The following DNAI4 variants were observed in gnomAD, a reference collection of about 807,000 sequenced individuals.
The protein encoded by DNAI4 is WD repeat domain 78.
DNAI4 carries 85 observed loss-of-function variants against 105.8 expected under a neutral mutation model. The ratio of observed to expected loss-of-function variants is 0.80; its 90% confidence interval spans 0.67 to 0.96. The LOEUF is 0.96. DNAI4 is among the 40% of genes least tolerant of loss of function. The pLI, the probability that DNAI4 is intolerant of heterozygous loss-of-function variation, is 0.00. For synonymous variants in DNAI4, 352 were observed against 331.5 expected (o/e 1.06, Z -0.67); for missense variants, 1,014 against 1,005.6 (o/e 1.01, Z -0.11).
At chr1:66,832,300 T>G (rs1645882628) in intron 13 of DNAI4, among the ~76,000 whole-genome samples, 1 of 152,148 alleles carries the variant, frequency 6.6e-6, no homozygotes, top group African/African-American at 2.4e-5. Context: ...GACAATCAAA[T>G]TTTAAGTATC....
intron 3 of DNAI4, 110 bp downstream of exon 3, chr1:66,893,119 A>AAGAAAGAAAG (rs1414013210): frequency 9.5e-5 from 50 of 526,726 alleles, no homozygotes; most frequent in African/African-American, 9.4e-4. Context: ...GAAAGAAAGA[A>AAGAAAGAAAG]AGAAACTGGG....
Position 66,826,943 on chromosome 1 carries a change from G to A in DNAI4, c.2216C>T (p.Pro739Leu), listed in dbSNP as rs751908129. The stretch of plus-strand genomic sequence containing the variant: ...AGTAGCTGGATAAAAACTCAAAGAT[G>A]GCTTGACATTCTCCTGTTGCCATAT... ...VIIWQQENVK[P>L]SLSFYPATSV... Residue 739 changes from proline to leucine, a missense_variant, in exon 15 of 17, where the codon CCA becomes CTA. Physicochemically the swap from Pro to Leu is moderately conservative, Grantham distance 98. Coordinates refer to ENST00000371026, the MANE Select transcript of DNAI4 (RefSeq NM_024763.5). 6 of 1,613,910 alleles carry A rather than the reference G, an allele frequency of 3.7e-6. No homozygotes were observed. The highest frequency in any genetic ancestry group is 5.1e-6 in the Non-Finnish European group (6 of 1,180,020).
intron 8 of DNAI4, among the ~76,000 whole-genome samples, chr1:66,847,253 T>C (rs1046655839): frequency 6.6e-6 from 1 of 152,184 alleles, no homozygotes; most frequent in African/African-American, 2.4e-5. Context: ...CTAAAACCCT[T>C]ACATTTTAAA....
chr1:66,918,819 T>C (rs1408374274), intron 1 of DNAI4, among the ~76,000 whole-genome samples: 1 of 151,942 alleles, frequency 6.6e-6, no homozygotes, highest in Non-Finnish European at 1.5e-5. Context: ...ATGGGGGAAA[T>C]GTAAAAGGAA....
intron 1 of DNAI4, among the ~76,000 whole-genome samples, chr1:66,916,856 A>C (rs1395880899): frequency 6.6e-6 from 1 of 151,370 alleles, no homozygotes. Flanking sequence ...TCAGAAAATT[A>C]TGTCTCCTTT....
chr1:66,822,334 A>G, intron 16 of DNAI4, 27 bp downstream of exon 16: 1 of 1,572,522 alleles, frequency 6.4e-7, no homozygotes, highest in South Asian at 1.2e-5. Context: ...ATAAAATGAC[A>G]CAAATTTTTT....
At chr1:66,830,127 G>C (rs1294476604) in intron 13 of DNAI4, among the ~76,000 whole-genome samples, 2 of 151,648 alleles carry the variant, frequency 1.3e-5, no homozygotes, top group Non-Finnish European at 2.9e-5. Context: ...ATAAATCAAT[G>C]ACCTCCACTT....
intron 6 of DNAI4, among the ~76,000 whole-genome samples, chr1:66,867,709 T>C (rs1224036208): frequency 6.6e-6 from 1 of 152,206 alleles, no homozygotes; most frequent in East Asian, 1.9e-4. Flanking sequence ...TTTTAGTTGA[T>C]ATTCCTGAGG....
chr1:66,919,162 T>C (rs1286494642), intron 1 of DNAI4: 2 of 429,064 alleles, frequency 4.7e-6, no homozygotes, highest in Admixed American at 4.8e-5. Context: ...CTTAGGCACA[T>C]GTTGCCAGTA....
At chr1:66,833,751 A>G (rs774534481) in intron 12 of DNAI4, 45 bp from the exon 13 acceptor site, 141 of 1,593,674 alleles carry the variant, frequency 8.8e-5, no homozygotes, top group Non-Finnish European at 1.1e-4. Flanking sequence ...TTACCACATG[A>G]AAGAGTACCG....
chr1:66,924,089 G>T (rs183733924), intron 1 of DNAI4, among the ~76,000 whole-genome samples: 1 of 152,366 alleles, frequency 6.6e-6, no homozygotes, highest in Admixed American at 6.5e-5. Flanking sequence ...TTGAGAGACT[G>T]CAGGCCTTAA....
At chr1:66,894,081 C>G (rs2985806) in intron 2 of DNAI4, among the ~76,000 whole-genome samples, 1 of 152,170 alleles carries the variant, frequency 6.6e-6, no homozygotes, top group Admixed American at 6.5e-5. Flanking sequence ...TATGTGCTTA[C>G]GAAACTACAC....
At chr1:66,916,169 G>A (rs1355523629) in intron 1 of DNAI4, among the ~76,000 whole-genome samples, 1 of 142,494 alleles carries the variant, frequency 7.0e-6, no homozygotes, top group African/African-American at 2.5e-5. Context: ...GGGATGTTCA[G>A]GACAAACCAG....
intron 8 of DNAI4, among the ~76,000 whole-genome samples, chr1:66,844,294 C>T (rs1167647379): frequency 6.6e-6 from 1 of 152,102 alleles, no homozygotes; most frequent in Non-Finnish European, 1.5e-5. Context: ...GGCGCAGTGG[C>T]TCACACCTGT....
chr1:66,893,006 AGAGAG>A lies in DNAI4; in HGVS notation c.530+218_530+222del, dbSNP rs769084441. On this transcript the variant is annotated intron_variant, in intron 3 of 16. Transcript: ENST00000371026. Reference sequence around the variant, plus strand: ...GAAAGAAAGAAAGAAAGAGAGAAAGAGAGAGAGGAAAGAAAGAAAGAAAGAGAGGA... The same window carrying A: ...GAAAGAAAGAAAGAAAGAGAGAAAGAAGGAAAGAAAGAAAGAAAGAGAGGA... Among the ~76,000 whole-genome samples, 295 of 110,046 alleles carry A rather than the reference AGAGAG, an allele frequency of 2.7e-3. 3 individuals carry two copies. Among genetic ancestry groups the A allele is most frequent in the African/African-American group, 5.2e-3 (141 of 26,860 alleles). The allele number at this position is 110,046 out of a possible 152,430, so 72.2% of individuals were successfully genotyped here. A position where few individuals can be genotyped will look rare whatever the true frequency, so the allele number is the denominator to read the frequency against.
chr1:66,817,935 T>G (rs1198191180), intron 16 of DNAI4, among the ~76,000 whole-genome samples: 1 of 149,660 alleles, frequency 6.7e-6, no homozygotes, highest in Non-Finnish European at 1.5e-5. Flanking sequence ...CTGGCTAAAA[T>G]CTTAAGTCAA....
intron 1 of DNAI4, among the ~76,000 whole-genome samples, chr1:66,912,469 CA>C (rs111387810): frequency 4.6e-4 from 65 of 142,320 alleles, no homozygotes; most frequent in East Asian, 2.4e-3. Context: ...GACTGTGTCT[CA>C]AAAAAAAAAA....
At chr1:66,844,366 G>A (rs1395863160) in intron 8 of DNAI4, among the ~76,000 whole-genome samples, 1 of 151,926 alleles carries the variant, frequency 6.6e-6, no homozygotes, top group Non-Finnish European at 1.5e-5. Flanking sequence ...TTCAAGACTA[G>A]CCTGGCCAAC....
Position 66,834,281 on chromosome 1 carries a change from A to G in DNAI4, c.1734-133T>C, listed in dbSNP as rs1183113679. On this transcript the variant is annotated intron_variant, in intron 11 of 16. Transcript: ENST00000371026. ...TATAATCCTTTTATTGTTCAAAAAT[A>G]GACTTTTATTTTAAATATTTTTAAA... 8.0e-6 allele frequency: 5 copies of G among 625,640 alleles called. No individual in the cohort carries two copies. In the East Asian group the frequency reaches 1.7e-4, roughly 22 times the overall value. 38.8% of individuals were successfully genotyped at this position (625,640 alleles called of 1,614,324 possible). A position where few individuals can be genotyped will look rare whatever the true frequency, so the allele number is the denominator to read the frequency against.
Sources: allele counts gnomAD v4.1 joint callset (sites outside exome capture counted in the v4.1 genomes callset), GRCh38; gene constraint gnomAD v4.1.1; transcripts MANE v1.5; gene names NCBI Gene and HGNC (gene_info 2026-07-23, HGNC 2026-07-21).